The following NIN variants were observed in gnomAD, a reference collection of about 807,000 sequenced individuals.
The protein encoded by NIN is glycogen synthase kinase 3 beta-interacting protein.
NIN carries 137 observed loss-of-function variants against 257.6 expected under a neutral mutation model. The observed-to-expected ratio is 0.53, with a 90% CI of 0.46 to 0.61. The LOEUF (loss-of-function observed/expected upper bound fraction) is 0.61, where lower values mean the gene tolerates loss of function less well. Among genes scored for constraint, NIN ranks in the 20% least tolerant of loss-of-function variants. The probability of loss-of-function intolerance (pLI) is 0.00; values close to 1 mark genes in which losing one functional copy is unlikely to be tolerated. For missense variants in NIN, 2,439 were observed against 2,501.2 expected (o/e 0.98, Z 0.53); for synonymous variants, 918 against 919.8 (o/e 1.00, Z 0.04).
chr14:50,829,215 G>A (rs757977697), intron 2 of NIN, among the ~76,000 whole-genome samples: 2 of 152,112 alleles, frequency 1.3e-5, no homozygotes, highest in African/African-American at 4.8e-5. Context: ...ACACAAACTC[G>A]TTTTTCAGCC....
chr14:50,792,955 G>A, intron 4 of NIN, 74 bp from the exon 5 acceptor site: 1 of 1,490,848 alleles, frequency 6.7e-7, no homozygotes, highest in Non-Finnish European at 9.3e-7. Context: ...ACAGCCATCG[G>A]ACACAGCCTC....
At chr14:50,771,238 T>C in intron 10 of NIN, 94 bp downstream of exon 10, 1 of 1,436,680 alleles carries the variant, frequency 7.0e-7, no homozygotes, top group Non-Finnish European at 9.5e-7. Context: ...AACATTTGCA[T>C]ACAGAATAGA....
intron 26 of NIN, 105 bp downstream of exon 26, chr14:50,739,202 AC>A: frequency 2.1e-6 from 2 of 951,988 alleles, no homozygotes; most frequent in Non-Finnish European, 1.6e-6. Context: ...ATAGCAGGAT[AC>A]TCAAATCCAT....
intron 28 of NIN, among the ~76,000 whole-genome samples, chr14:50,734,176 G>A (rs370823586): frequency 8.0e-5 from 12 of 149,230 alleles, no homozygotes; most frequent in Non-Finnish European, 1.3e-4. Flanking sequence ...TGCAACCTCC[G>A]CCTCCCAGGT....
At chr14:50,798,832 G>T (rs2043956605) in intron 4 of NIN, among the ~76,000 whole-genome samples, 1 of 152,230 alleles carries the variant, frequency 6.6e-6, no homozygotes, top group South Asian at 2.1e-4. Context: ...AGGCTAGAGT[G>T]CAGTGGCACA....
intron 5 of NIN, among the ~76,000 whole-genome samples, chr14:50,782,814 C>A (rs748491560): frequency 1.3e-5 from 2 of 152,148 alleles, no homozygotes; most frequent in Non-Finnish European, 2.9e-5. Flanking sequence ...ACAGATGAGG[C>A]GGTTTGGTGG....
At chr14:50,778,171 A>T (rs1409519435) in intron 6 of NIN, among the ~76,000 whole-genome samples, 2 of 152,052 alleles carry the variant, frequency 1.3e-5, no homozygotes, top group Non-Finnish European at 2.9e-5. Context: ...TTAATTAATT[A>T]ATTTATATTG....
At chr14:50,744,208 A>G (rs1430902612) in intron 23 of NIN, 35 bp downstream of exon 23, 1 of 1,608,614 alleles carries the variant, frequency 6.2e-7, no homozygotes, top group African/African-American at 1.3e-5. Context: ...TGTGTATTGT[A>G]TACGATGATG....
intron 15 of NIN, among the ~76,000 whole-genome samples, chr14:50,763,364 G>A (rs1443424374): frequency 6.6e-6 from 1 of 152,174 alleles, no homozygotes; most frequent in Non-Finnish European, 1.5e-5. Flanking sequence ...TTCTGCTGAG[G>A]CAATACAGAC....
At chr14:50,826,264 C>T (rs1321361904) in intron 2 of NIN, among the ~76,000 whole-genome samples, 1 of 152,188 alleles carries the variant, frequency 6.6e-6, no homozygotes, top group African/African-American at 2.4e-5. Flanking sequence ...TGGGCCTCTC[C>T]TCACCATCTA....
At chr14:50,723,907 A>G (rs1279513314) in intron 30 of NIN, 1 of 480,140 alleles carries the variant, frequency 2.1e-6, no homozygotes, top group Non-Finnish European at 3.7e-6. Flanking sequence ...AGTTACTAAT[A>G]GAACAGATTG....
intron 3 of NIN, among the ~76,000 whole-genome samples, chr14:50,811,858 G>A (rs1380894101): frequency 6.6e-6 from 1 of 152,062 alleles, no homozygotes; most frequent in African/African-American, 2.4e-5. Context: ...GCCAGGCGTG[G>A]TGGCGGGCGC....
intron 3 of NIN, among the ~76,000 whole-genome samples, chr14:50,816,682 TTAAG>T (rs914960790): frequency 2.0e-5 from 3 of 152,122 alleles, no homozygotes; most frequent in Non-Finnish European, 4.4e-5. Context: ...CTGAAGAACT[TTAAG>T]TCCCCTCTGT....
rs780812813 is a variant in NIN, at chr14:50,821,968, T to G, written c.89A>C (p.Gln30Pro). Residue 30 changes from glutamine to proline, a missense_variant, in exon 3 of 31, where the codon CAG (glutamine) becomes CCG (proline). By Grantham distance (76) the Gln-to-Pro change is moderately conservative. This residue lies in a region of NIN where 387 missense variants were observed against 427.3 expected (regional missense o/e 0.91). Coordinates refer to ENST00000530997, the MANE Select transcript of NIN (RefSeq NM_020921.4). Reference protein sequence around the residue: ...FDTTGTGSLGQEELTDLCHML... With the variant: ...FDTTGTGSLGPEELTDLCHML... ...GTGGCAAAGGTCGGTGAGTTCCTCC[T>G]GCCCCAGGGACCCTGTGCCCGTCGT... The G allele has an allele frequency of 3.2e-5, 51 of 1,614,096 alleles. 1 individual carries two copies. The African/African-American group carries it at 5.1e-4, about 16-fold the overall frequency.
chr14:50,723,916 T>C (rs1160941843), intron 30 of NIN: 2 of 422,614 alleles, frequency 4.7e-6, no homozygotes, highest in Non-Finnish European at 8.4e-6. Context: ...TAGAACAGAT[T>C]GATATTAGAT....
chr14:50,732,257 C>T (rs1463056078), intron 28 of NIN, among the ~76,000 whole-genome samples: 2 of 152,166 alleles, frequency 1.3e-5, no homozygotes, highest in African/African-American at 4.8e-5. Context: ...GTGCTCAAAT[C>T]CCCTGAATCC....
At chr14:50,803,304 G>A (rs1413433743) in intron 4 of NIN, among the ~76,000 whole-genome samples, 2 of 152,190 alleles carry the variant, frequency 1.3e-5, no homozygotes, top group Non-Finnish European at 2.9e-5. Context: ...AGTGAACTGA[G>A]ATTGTGCCAC....
In NIN at chr14:50,759,556, C is replaced by G. The variant is rs535592580; in HGVS notation, c.2399+301G>C. The stretch of plus-strand genomic sequence containing the variant: ...TCGCCCAGGCTGGAGTGCAGTAGCG[C>G]GATCTCGGCTCACTGCAAGCTCCGC... On this transcript the variant is annotated intron_variant, in intron 17 of 30. Coordinates refer to ENST00000530997, the MANE Select transcript of NIN (RefSeq NM_020921.4). Among the ~76,000 whole-genome samples, 2 of 151,606 alleles carry G rather than the reference C, an allele frequency of 1.3e-5. 1 individual carries two copies. The highest frequency in any genetic ancestry group is 4.2e-4 in the South Asian group (2 of 4,798).
chr14:50,804,689 T>C (rs2044244248), intron 4 of NIN, among the ~76,000 whole-genome samples: 1 of 152,142 alleles, frequency 6.6e-6, no homozygotes, highest in Non-Finnish European at 1.5e-5. Flanking sequence ...CCAGCCATTG[T>C]CTAGCTCAGG....
Sources: allele counts gnomAD v4.1 joint callset (sites outside exome capture counted in the v4.1 genomes callset), GRCh38; gene constraint gnomAD v4.1.1; regional missense constraint gnomAD v4.1.1; transcripts MANE v1.5; gene names NCBI Gene and HGNC (gene_info 2026-07-23, HGNC 2026-07-21).